CPNE2: variants seen among roughly 807,000 people sequenced by gnomAD.
CPNE2 encodes the protein copine 2.
In CPNE2, 42 loss-of-function variants were observed where a neutral mutation model predicts 69.7. That is an observed-to-expected ratio of 0.60 (90% confidence interval 0.47 to 0.78). CPNE2 has a LOEUF of 0.78. CPNE2 is among the 30% of genes least tolerant of loss of function. The pLI is 0.00. For missense variants in CPNE2, 587 were observed against 732.0 expected, an observed-to-expected ratio of 0.80 and a Z score of 2.29; for synonymous variants, 294 against 289.8, an observed-to-expected ratio of 1.01 and a Z score of -0.15.
Position 57,095,827 on chromosome 16 carries a change from G to A in CPNE2, c.-36+3037G>A, listed in dbSNP as rs140000561. Among the ~76,000 whole-genome samples the A allele has an allele frequency of 4.7e-3, 716 of 152,328 alleles. 8 individuals carry two copies. Among genetic ancestry groups the A allele is most frequent in the African/African-American group, 0.016 (673 of 41,568 alleles). On this transcript the variant is annotated intron_variant, in intron 1 of 15. Transcript: ENST00000290776. Reference sequence around the variant, plus strand: ...GAGGTCTGCAATGAGACTGACTAGTGAGATTGTGTCACCATCCCTCCTCAC... The same window carrying A: ...GAGGTCTGCAATGAGACTGACTAGTAAGATTGTGTCACCATCCCTCCTCAC...
At chr16:57,127,962 C>T in intron 12 of CPNE2, 59 bp downstream of exon 12, 2 of 1,557,140 alleles carry the variant, frequency 1.3e-6, no homozygotes, top group South Asian at 2.2e-5. Context: ...TGTGTGGCCT[C>T]TCGGGGATCA....
At position 57,146,083 on chromosome 16, in the gene CPNE2, AG is replaced by A; in HGVS notation, c.1303-1del. 1 of 1,603,512 alleles carries A rather than the reference AG, an allele frequency of 6.2e-7. No homozygotes were observed. The highest frequency in any genetic ancestry group is 1.1e-5 in the South Asian group (1 of 89,002). On this transcript the variant is annotated splice_acceptor_variant, in intron 14 of 15. Transcript: ENST00000290776. LOFTEE classifies it high-confidence loss of function. The surrounding 1 kb of genome is among the most constrained non-coding windows in gnomAD (Gnocchi z 4.4). ...AGTGCCCCGTTGGCCCCCTCCCTGC[AG>A]CAGTACTTCATCCTCCTCATCATCA...
intron 7 of CPNE2, among the ~76,000 whole-genome samples, chr16:57,120,439 CAA>C (rs11297488): frequency 0.02 from 2,769 of 137,560 alleles, 23 homozygotes; most frequent in African/African-American, 0.034. Context: ...GAGACCGTCT[CAA>C]AAAAAAAAAA....
Position 57,137,188 on chromosome 16 carries a change from C to A in CPNE2, c.1208C>A (p.Pro403His). 6.2e-7 allele frequency: 1 copy of A among 1,614,224 alleles called. No homozygotes were observed. The highest frequency in any genetic ancestry group is 8.5e-7 in the Non-Finnish European group (1 of 1,180,038). Residue 403 changes from proline (P) to histidine (H), a missense_variant, in exon 14 of 16, where the codon CCC (proline) becomes CAC (histidine). This residue lies in a region of CPNE2 where 185 missense variants were observed against 252.3 expected (regional missense o/e 0.73). Transcript: ENST00000290776. ...GIAQAYSACL[P>H]HIRFYGPTNF... is the part of the protein sequence containing the mutation. ...GCCCAGGCGTACTCAGCTTGCCTGC[C>A]CCACATCCGCTTCTACGGTCCTACC...
At chr16:57,114,775 A>G (rs60409074) in intron 3 of CPNE2, among the ~76,000 whole-genome samples, 49,892 of 151,588 alleles carry the variant, frequency 0.33, 8,375 homozygotes, top group Middle Eastern at 0.43. Context: ...CACCCTGTGT[A>G]AGTGTATTAC....
intron 7 of CPNE2, among the ~76,000 whole-genome samples, chr16:57,120,037 C>T (rs2069749939): frequency 1.3e-5 from 2 of 152,182 alleles, no homozygotes; most frequent in Non-Finnish European, 2.9e-5. Flanking sequence ...CTTTGGGAGG[C>T]TGAGGCAGGT....
chr16:57,147,354 T>C, intron 15 of CPNE2, 197 bp from the exon 16 acceptor site: 1 of 410,558 alleles, frequency 2.4e-6, no homozygotes, highest in Middle Eastern at 5.6e-4. Flanking sequence ...AGGAAGGCAC[T>C]GCGATCAGGG....
chr16:57,113,734 C>T (rs1205346112), intron 3 of CPNE2, among the ~76,000 whole-genome samples: 1 of 152,200 alleles, frequency 6.6e-6, no homozygotes, highest in East Asian at 1.9e-4. Context: ...GTGGTCTTGA[C>T]CTCTGGGGGT....
chr16:57,143,312 A>C (rs1293331359), intron 14 of CPNE2: 1 of 152,350 alleles, frequency 6.6e-6, no homozygotes, highest in Non-Finnish European at 1.5e-5. Context: ...GTGTGTGGGC[A>C]TGGTGGCTGG....
chr16:57,107,823 C>T (rs2069657112), intron 1 of CPNE2, among the ~76,000 whole-genome samples: 1 of 151,980 alleles, frequency 6.6e-6, no homozygotes, highest in Admixed American at 6.6e-5. Context: ...GTGTTCCTGC[C>T]AGACTGGACT....
At chr16:57,123,589 C>G (rs1158299000) in intron 10 of CPNE2, 116 bp downstream of exon 10, 1 of 1,132,540 alleles carries the variant, frequency 8.8e-7, no homozygotes, top group Non-Finnish European at 1.3e-6. Context: ...GAAGGACTTC[C>G]CTGGGGCAAA....
At position 57,146,627 on chromosome 16, in the gene CPNE2, G is replaced by T; in HGVS notation, c.1539+306G>T. On this transcript the variant is annotated intron_variant, in intron 15 of 15. Coordinates refer to ENST00000290776, the MANE Select transcript of CPNE2 (RefSeq NM_152727.6). The surrounding 1 kb of genome is among the most constrained non-coding windows in gnomAD (Gnocchi z 4.4). Reference sequence around the variant, plus strand: ...GCCCTCTAGTGGGGTCTGATGAGAGGCTGGGGCTATCCATGTGGTGTAAAG... The same window carrying T: ...GCCCTCTAGTGGGGTCTGATGAGAGTCTGGGGCTATCCATGTGGTGTAAAG... 1 of 368,356 alleles carries T rather than the reference G, an allele frequency of 2.7e-6. No homozygotes were observed. The highest frequency in any genetic ancestry group is 3.2e-5 in the South Asian group (1 of 31,274). 22.8% of individuals were successfully genotyped at this position (368,356 alleles called of 1,614,324 possible). A position where few individuals can be genotyped will look rare whatever the true frequency, so the allele number is the denominator to read the frequency against.
At position 57,146,470 on chromosome 16, in the gene CPNE2, C is replaced by T. The variant is rs954757948; in HGVS notation, c.1539+149C>T. 5 of 724,984 alleles carry T rather than the reference C, an allele frequency of 6.9e-6. No individual in the cohort carries two copies. In the South Asian group the frequency reaches 9.4e-5, roughly 14 times the overall value. 44.9% of individuals were successfully genotyped at this position (724,984 alleles called of 1,614,324 possible). On this transcript the variant is annotated intron_variant, in intron 15 of 15. Coordinates refer to ENST00000290776, the MANE Select transcript of CPNE2 (RefSeq NM_152727.6). This position sits in a 1 kb window ranked among gnomAD's most constrained non-coding sequence, Gnocchi z 4.4. ...GCTCTTCTGAGGGCCTGCCATGTGC[C>T]AGGCGCCGTGCCAGGCCTTGCCCCG...
In CPNE2 at chr16:57,102,107, C is replaced by G. The variant is rs1048203922; in HGVS notation, c.-35-8601C>G. Reference sequence around the variant, plus strand: ...GGACTACAGGCACATGCCACCATGCCCAGCTAATTTTTTTTTGCCATTTTT... The same window carrying G: ...GGACTACAGGCACATGCCACCATGCGCAGCTAATTTTTTTTTGCCATTTTT... On this transcript the variant is annotated intron_variant, in intron 1 of 15. Coordinates refer to ENST00000290776, the MANE Select transcript of CPNE2 (RefSeq NM_152727.6). Among the ~76,000 whole-genome samples, 7 of 150,918 alleles carry G rather than the reference C, an allele frequency of 4.6e-5. No individual in the cohort carries two copies. The Admixed American group carries it at 4.6e-4, about 10-fold the overall frequency.
In CPNE2 at chr16:57,123,220, C is replaced by T. The variant is rs956940561; in HGVS notation, c.868-194C>T. On this transcript the variant is annotated intron_variant, in intron 9 of 15. Transcript: ENST00000290776. ...TGGGGTGTGGGGGTCTCTGTGAGTCCCCCACCCATTAGGAACCATTGCACT... is the reference window on the plus strand; with the variant it reads ...TGGGGTGTGGGGGTCTCTGTGAGTCTCCCACCCATTAGGAACCATTGCACT... 1.3e-4 allele frequency: 78 copies of T among 615,210 alleles called. No homozygotes were observed. The East Asian group carries it at 1.5e-3, about 12-fold the overall frequency. 38.1% of individuals were successfully genotyped at this position (615,210 alleles called of 1,614,324 possible).
At chr16:57,136,259 A>G (rs2069879871) in intron 13 of CPNE2, among the ~76,000 whole-genome samples, 1 of 152,174 alleles carries the variant, frequency 6.6e-6, no homozygotes, top group South Asian at 2.1e-4. Context: ...GATTTGGGGT[A>G]GATCTCCAGA....
At chr16:57,097,755 C>G (rs1479760364) in intron 1 of CPNE2, among the ~76,000 whole-genome samples, 4 of 152,200 alleles carry the variant, frequency 2.6e-5, no homozygotes, top group African/African-American at 9.7e-5. Context: ...CTAGGCAAAT[C>G]CACCTTCTCT....
intron 1 of CPNE2, among the ~76,000 whole-genome samples, chr16:57,095,154 G>A (rs1460762142): frequency 5.3e-5 from 8 of 152,218 alleles, no homozygotes; most frequent in Non-Finnish European, 1.0e-4. Flanking sequence ...GTGGAGGTGG[G>A]ATCTCCCCCA....
chr16:57,122,549 C>T (rs2069770762), intron 9 of CPNE2, among the ~76,000 whole-genome samples: 1 of 152,162 alleles, frequency 6.6e-6, no homozygotes, highest in Admixed American at 6.5e-5. Context: ...CTGGCACCTG[C>T]CTTACTTATT....
Sources: gnomAD v4.1 joint callset for allele counts (sites outside exome capture counted in the v4.1 genomes callset) on GRCh38, gnomAD v4.1.1 for gene constraint, gnomAD v4.1.1 regional missense constraint, Gnocchi (gnomAD v3.1) non-coding constraint, MANE v1.5 for transcripts, NCBI Gene and HGNC (gene_info 2026-07-23, HGNC 2026-07-21) for gene names.